Variants in CSMD1 observed in about 807,000 individuals in gnomAD.
The protein encoded by CSMD1 is CUB and Sushi multiple domains 1, also known as CUB and sushi domain-containing protein 1.
A neutral mutation model predicts 417.5 loss-of-function variants in CSMD1; 213 were observed. That is an observed-to-expected ratio of 0.51 (90% CI 0.46 to 0.57). The LOEUF (loss-of-function observed/expected upper bound fraction) is 0.57, where lower values mean the gene tolerates loss of function less well. CSMD1 is among the 20% of genes least tolerant of loss of function. The pLI, the probability that CSMD1 is intolerant of heterozygous loss-of-function variation, is 0.00. For missense variants in CSMD1, 6,923 were observed against 4,529.7 expected, an observed-to-expected ratio of 1.53 and a Z score of -15.17; for synonymous variants, 2,862 against 1,736.8, an observed-to-expected ratio of 1.65 and a Z score of -16.11.
intron 2 of CSMD1, among the ~76,000 whole-genome samples, chr8:4,474,570 A>C (rs929282665): frequency 1.3e-5 from 2 of 152,198 alleles, no homozygotes; most frequent in African/African-American, 4.8e-5. Flanking sequence ...TGAGAGCTCT[A>C]AAGAGAACCT....
intron 1 of CSMD1, among the ~76,000 whole-genome samples, chr8:4,924,721 T>TGA (rs1563779776): frequency 4.1e-3 from 18 of 4,408 alleles, no homozygotes; most frequent in African/African-American, 6.4e-3. Flanking sequence ...AAACTCCATC[T>TGA]CAAAAAAAAA....
intron 3 of CSMD1, among the ~76,000 whole-genome samples, chr8:4,413,932 A>G (rs1230945240): frequency 6.6e-6 from 1 of 152,144 alleles, no homozygotes; most frequent in South Asian, 2.1e-4. Flanking sequence ...AATTATTGAA[A>G]TTTTGCATTT....
intron 5 of CSMD1, among the ~76,000 whole-genome samples, chr8:3,983,903 G>C (rs954985375): frequency 1.3e-5 from 2 of 152,028 alleles, no homozygotes; most frequent in African/African-American, 2.4e-5. Context: ...TGCAGTTCTA[G>C]AGCACACCGC....
At chr8:4,869,474 A>G (rs961270855) in intron 1 of CSMD1, among the ~76,000 whole-genome samples, 17 of 152,198 alleles carry the variant, frequency 1.1e-4, no homozygotes, top group African/African-American at 4.1e-4. Context: ...CAACCAGACT[A>G]TATAATGCAG....
In CSMD1 at chr8:3,967,799, A is replaced by G. The variant is rs140342552; in HGVS notation, c.818+30104T>C. Reference sequence around the variant, plus strand: ...CTAACTACCTTAATCTACATATCCAATTTGCTTGAGAATATACGCTTATAG... The same window carrying G: ...CTAACTACCTTAATCTACATATCCAGTTTGCTTGAGAATATACGCTTATAG... On this transcript the variant is annotated intron_variant, in intron 5 of 69. Transcript: ENST00000635120. Among the ~76,000 whole-genome samples the G allele has an allele frequency of 4.3e-3, 653 of 152,098 alleles. 1 individual carries two copies. Among genetic ancestry groups the G allele is most frequent in the Middle Eastern group, 0.01 (3 of 294 alleles).
intron 5 of CSMD1, among the ~76,000 whole-genome samples, chr8:3,767,598 T>G (rs1443488591): frequency 6.6e-6 from 1 of 152,206 alleles, no homozygotes. Flanking sequence ...TGGATCTATC[T>G]CTCAACTATG....
intron 12 of CSMD1, among the ~76,000 whole-genome samples, chr8:3,449,505 C>T (rs1245682048): frequency 2.0e-5 from 3 of 151,150 alleles, no homozygotes; most frequent in African/African-American, 7.3e-5. Flanking sequence ...AATGAACATA[C>T]CTCTCATGAC....
At chr8:4,418,102 G>C (rs967577662) in intron 3 of CSMD1, among the ~76,000 whole-genome samples, 2 of 151,526 alleles carry the variant, frequency 1.3e-5, no homozygotes, top group Non-Finnish European at 2.9e-5. Context: ...TACAATTTTG[G>C]TTTAGCCAAC....
intron 27 of CSMD1, among the ~76,000 whole-genome samples, chr8:3,225,785 C>A (rs776453154): frequency 6.6e-6 from 1 of 152,312 alleles, no homozygotes; most frequent in South Asian, 2.1e-4. Context: ...CTGCCTGGCC[C>A]TGTTTGTTCT....
At chr8:3,771,502 C>G (rs997868356) in intron 5 of CSMD1, among the ~76,000 whole-genome samples, 2 of 152,134 alleles carry the variant, frequency 1.3e-5, no homozygotes, top group Admixed American at 6.5e-5. Flanking sequence ...CTCGAACACA[C>G]AACAGTTTGG....
chr8:4,315,231 C>G (rs1027415474), intron 3 of CSMD1, among the ~76,000 whole-genome samples: 1 of 152,144 alleles, frequency 6.6e-6, no homozygotes, highest in Non-Finnish European at 1.5e-5. Flanking sequence ...AAGGAAAGCC[C>G]AGCTCTGGCT....
At chr8:4,655,075 C>T (rs1296532762) in intron 1 of CSMD1, among the ~76,000 whole-genome samples, 2 of 151,060 alleles carry the variant, frequency 1.3e-5, no homozygotes, top group Non-Finnish European at 2.9e-5. Context: ...ATCATTTGTC[C>T]ATCAAAGGAG....
intron 1 of CSMD1, among the ~76,000 whole-genome samples, chr8:4,965,153 T>A (rs1358982179): frequency 2.0e-5 from 3 of 152,300 alleles, no homozygotes; most frequent in South Asian, 4.1e-4. Context: ...TATTTGTAGA[T>A]AGCATACAGA....
At chr8:3,608,964 C>G (rs895845733) in intron 8 of CSMD1, among the ~76,000 whole-genome samples, 2 of 152,084 alleles carry the variant, frequency 1.3e-5, no homozygotes, top group Non-Finnish European at 2.9e-5. Context: ...TTCAACCATA[C>G]CTTGACTCCT....
intron 7 of CSMD1, among the ~76,000 whole-genome samples, chr8:3,669,456 TCATTCATTC>T (rs1798873381): frequency 6.6e-6 from 1 of 152,164 alleles, no homozygotes; most frequent in Admixed American, 6.5e-5. Context: ...TCCTGTTCAT[TCATTCATTC>T]AACATCAGTA....
chr8:4,434,541 C>A (rs937877563), intron 2 of CSMD1, among the ~76,000 whole-genome samples: 2 of 152,124 alleles, frequency 1.3e-5, no homozygotes, highest in Non-Finnish European at 2.9e-5. Context: ...TTAAGAGCAG[C>A]CCAACATTGA....
At chr8:3,073,229 T>G (rs781695025) in intron 49 of CSMD1, among the ~76,000 whole-genome samples, 3 of 152,170 alleles carry the variant, frequency 2.0e-5, no homozygotes, top group Admixed American at 6.5e-5. Flanking sequence ...GGACTTGGCA[T>G]AGGAAATCAT....
chr8:3,798,511 A>G (rs779520792), intron 5 of CSMD1, among the ~76,000 whole-genome samples: 2 of 152,134 alleles, frequency 1.3e-5, no homozygotes, highest in Non-Finnish European at 2.9e-5. Flanking sequence ...AAGGTGAGAA[A>G]GAAGAGGAAA....
intron 10 of CSMD1, among the ~76,000 whole-genome samples, chr8:3,501,283 TACACACACAC>T (rs1326678174): frequency 6.6e-6 from 1 of 151,954 alleles, no homozygotes; most frequent in African/African-American, 2.4e-5. Flanking sequence ...TGCACACACA[TACACACACAC>T]CCCAAGAAAA....
Sources: gnomAD v4.1 joint callset for allele counts (sites outside exome capture counted in the v4.1 genomes callset) on GRCh38, gnomAD v4.1.1 for gene constraint, MANE v1.5 for transcripts, NCBI Gene and HGNC (gene_info 2026-07-23, HGNC 2026-07-21) for gene names.